WLS: variants seen among roughly 807,000 people sequenced by gnomAD.
WLS encodes Wnt ligand secretion mediator.
In WLS, 23 loss-of-function variants were observed where a neutral mutation model predicts 62.8. That is an observed-to-expected ratio of 0.37 (90% CI 0.26 to 0.52). The LOEUF is 0.52. Ranked by LOEUF, WLS falls within the 20% of genes least tolerant of loss-of-function variation. The pLI is 0.92. For synonymous variants in WLS, 246 were observed against 244.1 expected, an observed-to-expected ratio of 1.01 and a Z score of -0.07; for missense variants, 615 against 697.3, an observed-to-expected ratio of 0.88 and a Z score of 1.33.
At chr1:68,209,773 C>A (rs551231029) in intron 1 of WLS, among the ~76,000 whole-genome samples, 1 of 151,398 alleles carries the variant, frequency 6.6e-6, no homozygotes, top group East Asian at 1.9e-4. Context: ...AAAAATGAAA[C>A]TCCGTTTCAA....
At chr1:68,117,393 C>T (rs983803930) in intron 11 of WLS, 1 of 152,248 alleles carries the variant, frequency 6.6e-6, no homozygotes, top group African/African-American at 2.4e-5. Flanking sequence ...GAGCCCTAGC[C>T]AAGGCCTTCT....
intron 11 of WLS, among the ~76,000 whole-genome samples, chr1:68,107,746 A>AT (rs544027154): frequency 1.2e-4 from 18 of 152,162 alleles, no homozygotes; most frequent in Middle Eastern, 3.4e-3. Context: ...GGCAGGGGCT[A>AT]TTTTTTTATT....
At chr1:68,114,849 G>T (rs892491990) in intron 11 of WLS, among the ~76,000 whole-genome samples, 1 of 152,230 alleles carries the variant, frequency 6.6e-6, no homozygotes, top group African/African-American at 2.4e-5. Context: ...CCCTCTGGGG[G>T]TGCCACTTAG....
chr1:68,128,798 A>AC (rs770846549), intron 11 of WLS, among the ~76,000 whole-genome samples: 7 of 152,224 alleles, frequency 4.6e-5, no homozygotes, highest in Non-Finnish European at 7.3e-5. Flanking sequence ...CCTCAGAGGC[A>AC]CTATTATCAT....
chr1:68,141,674 A>G (rs1413326283), intron 10 of WLS: 1 of 152,294 alleles, frequency 6.6e-6, no homozygotes, highest in Non-Finnish European at 1.5e-5. Flanking sequence ...CCGAGAGTAT[A>G]ATGGGGGTTT....
At chr1:68,171,515 GC>G (rs1647153170) in intron 2 of WLS, among the ~76,000 whole-genome samples, 1 of 152,062 alleles carries the variant, frequency 6.6e-6, no homozygotes, top group Non-Finnish European at 1.5e-5. Context: ...GATATGAACA[GC>G]CACTTCGCAA....
intron 1 of WLS, among the ~76,000 whole-genome samples, chr1:68,208,719 C>G (rs569104112): frequency 6.6e-6 from 1 of 152,122 alleles, no homozygotes; most frequent in Non-Finnish European, 1.5e-5. Flanking sequence ...ATAGAGGCAA[C>G]ATGAGAAAGT....
downstream of WLS, among the ~76,000 whole-genome samples, chr1:68,124,442 T>C (rs573085877): frequency 4.9e-4 from 74 of 152,256 alleles, no homozygotes; most frequent in Non-Finnish European, 9.1e-4. Context: ...CTTTCTTCTA[T>C]GATTTTTGTA....
chr1:68,224,769 C>T lies in WLS; in HGVS notation c.106+7425G>A, dbSNP rs147706186. Among the ~76,000 whole-genome samples the T allele has an allele frequency of 5.3e-3, 806 of 151,886 alleles. 5 individuals are homozygous for T. Among genetic ancestry groups the T allele is most frequent in the Non-Finnish European group, 7.9e-3 (535 of 67,974 alleles). On this transcript the variant is annotated intron_variant, in intron 1 of 11. Coordinates refer to ENST00000262348, the MANE Select transcript of WLS (RefSeq NM_024911.7). ...GTTTGGGGAAGGGGTGGAAGCAAAA[C>T]GAAAAGGTGGGGGGGATTGAGCTTT...
In WLS at chr1:68,125,474, C is replaced by T. The variant is rs924389160; in HGVS notation, c.*752G>A. 79 of 985,376 alleles carry T rather than the reference C, an allele frequency of 8.0e-5. No homozygotes were observed. The highest frequency in any genetic ancestry group is 1.6e-4 in the African/African-American group (9 of 57,342). 61.0% of individuals were successfully genotyped at this position (985,376 alleles called of 1,614,324 possible). A position where few individuals can be genotyped will look rare whatever the true frequency, so the allele number is the denominator to read the frequency against. ...TTTGAAGTATCTTATCAAAATAAAA[C>T]GCATTTTAAGCAAGAAGTTAAAAAA... On this transcript the variant is annotated 3_prime_UTR_variant, in exon 12 of 12. Transcript: ENST00000262348.
chr1:68,214,616 T>C (rs1331350056), intron 1 of WLS, among the ~76,000 whole-genome samples: 1 of 152,234 alleles, frequency 6.6e-6, no homozygotes, highest in Non-Finnish European at 1.5e-5. Flanking sequence ...CCCAAAGTGC[T>C]GGGACCACAG....
intron 11 of WLS, among the ~76,000 whole-genome samples, chr1:68,117,251 T>C (rs1289851005): frequency 6.6e-6 from 1 of 152,182 alleles, no homozygotes; most frequent in Non-Finnish European, 1.5e-5. Context: ...TGGATCCTTA[T>C]ACAGTATTCT....
chr1:68,100,569 T>C (rs961978352), intron 11 of WLS: 2 of 152,204 alleles, frequency 1.3e-5, no homozygotes, highest in Admixed American at 6.5e-5. Context: ...GCAAAGGTTT[T>C]AAATTTAGAA....
chr1:68,178,631 A>C (rs2820499), intron 2 of WLS, among the ~76,000 whole-genome samples: 1 of 151,596 alleles, frequency 6.6e-6, no homozygotes, highest in Non-Finnish European at 1.5e-5. Flanking sequence ...ACTTGAACCC[A>C]GGAGGGGGAG....
intron 2 of WLS, among the ~76,000 whole-genome samples, chr1:68,160,344 T>C (rs148982658): frequency 6.6e-6 from 1 of 152,288 alleles, no homozygotes; most frequent in East Asian, 1.9e-4. Context: ...TAACCCACCA[T>C]TACAACTTAA....
chr1:68,151,146 T>C (rs1646820429), intron 5 of WLS, among the ~76,000 whole-genome samples: 1 of 152,184 alleles, frequency 6.6e-6, no homozygotes, highest in Admixed American at 6.5e-5. Context: ...CTTCTGACTT[T>C]GACACAGACA....
rs564774419 is a variant in WLS at position 68,147,719 on chromosome 1, G to T, written c.1134+417C>A. Among the ~76,000 whole-genome samples the T allele has an allele frequency of 8.5e-5, 13 of 152,272 alleles. No individual in the cohort carries two copies. The South Asian group carries it at 2.7e-3, about 32-fold the overall frequency. Reference sequence around the variant, plus strand: ...GGAATAAATAGCAGCAGTGTGATTTGCCAGCACACCAAGGTCACTTAAGAA... The same window carrying T: ...GGAATAAATAGCAGCAGTGTGATTTTCCAGCACACCAAGGTCACTTAAGAA... On this transcript the variant is annotated intron_variant, in intron 8 of 11. Transcript: ENST00000262348.
chr1:68,200,973 C>T (rs1456268385), intron 1 of WLS, among the ~76,000 whole-genome samples: 1 of 152,144 alleles, frequency 6.6e-6, no homozygotes, highest in East Asian at 1.9e-4. Context: ...TAGATGAATT[C>T]CTGTTATGTA....
intron 2 of WLS, among the ~76,000 whole-genome samples, chr1:68,172,989 A>T (rs2100545892): frequency 6.6e-6 from 1 of 152,284 alleles, no homozygotes; most frequent in East Asian, 1.9e-4. Flanking sequence ...TGTGCGGAAG[A>T]CGGACTGGGA....
Sources: gnomAD v4.1 joint callset for allele counts (sites outside exome capture counted in the v4.1 genomes callset) on GRCh38, gnomAD v4.1.1 for gene constraint, MANE v1.5 for transcripts, NCBI Gene and HGNC (gene_info 2026-07-23, HGNC 2026-07-21) for gene names.